Variants in ANKRD27 observed in about 807,000 individuals in gnomAD.
ANKRD27 encodes the protein ankyrin repeat domain 27, also known as ankyrin repeat domain-containing protein 27.
ANKRD27 carries 112 observed loss-of-function variants against 129.7 expected under a neutral mutation model. The ratio of observed to expected loss-of-function variants is 0.86; its 90% CI spans 0.74 to 1.01. The LOEUF is 1.01. Ranked by LOEUF, ANKRD27 falls within the 50% of genes least tolerant of loss-of-function variation. The pLI, the probability that ANKRD27 is intolerant of heterozygous loss-of-function variation, is 0.00. For missense variants in ANKRD27, 1,258 were observed against 1,300.5 expected (o/e 0.97, Z 0.50); for synonymous variants, 516 against 511.2 (o/e 1.01, Z -0.13).
At chr19:32,659,385 A>G (rs1316610142) in intron 1 of ANKRD27, among the ~76,000 whole-genome samples, 1 of 152,134 alleles carries the variant, frequency 6.6e-6, no homozygotes, top group Non-Finnish European at 1.5e-5. Context: ...CCCGACCTGC[A>G]TCTGGCAATT....
intron 17 of ANKRD27, 104 bp from the exon 18 acceptor site, chr19:32,622,723 A>C (rs1323617549): frequency 1.0e-6 from 1 of 1,002,850 alleles, no homozygotes; most frequent in Non-Finnish European, 1.6e-6. Flanking sequence ...AGTAACAGAC[A>C]GAACTCAGAA....
chr19:32,664,276 C>T (rs1037507208), intron 1 of ANKRD27, among the ~76,000 whole-genome samples: 6 of 151,890 alleles, frequency 4.0e-5, no homozygotes, highest in Non-Finnish European at 8.8e-5. Flanking sequence ...ATTTCAGCCT[C>T]CCAAGTAGCT....
chr19:32,653,736 G>A (rs1365591555), intron 2 of ANKRD27, among the ~76,000 whole-genome samples: 1 of 151,218 alleles, frequency 6.6e-6, no homozygotes, highest in East Asian at 2.0e-4. Context: ...GCGTGGCGGG[G>A]GCGGGGACGG....
intron 2 of ANKRD27, among the ~76,000 whole-genome samples, chr19:32,650,105 C>A (rs747634886): frequency 6.6e-6 from 1 of 152,022 alleles, no homozygotes; most frequent in African/African-American, 2.4e-5. Context: ...ATCGCTGGGT[C>A]CCCCCCAGGC....
chr19:32,664,775 C>A (rs532910710), intron 1 of ANKRD27, among the ~76,000 whole-genome samples: 54 of 150,724 alleles, frequency 3.6e-4, no homozygotes, highest in African/African-American at 1.3e-3. Context: ...CCTGGGCAAC[C>A]CCATCTTTAC....
intron 13 of ANKRD27, among the ~76,000 whole-genome samples, chr19:32,629,844 C>CTTTTTTTTTT (rs548494616): frequency 4.7e-5 from 5 of 105,612 alleles, no homozygotes; most frequent in African/African-American, 1.0e-4. Flanking sequence ...CTCTTGTGTT[C>CTTTTTTTTTT]TTTTTTTTTT....
chr19:32,605,818 C>T lies in ANKRD27; in HGVS notation c.2493+17G>A. The T allele has an allele frequency of 6.2e-6, 10 of 1,611,398 alleles. No individual in the cohort carries two copies. Among genetic ancestry groups the T allele is most frequent in the Non-Finnish European group, 8.5e-6 (10 of 1,178,866 alleles). On this transcript the variant is annotated intron_variant, in intron 24 of 28. Transcript: ENST00000306065. ...CTGGCGCAGGTGTGTAGAATGAGGA[C>T]AGGAAGGGGCCCTCACCTGTAGCAG...
At chr19:32,641,448 T>G (rs2145299298) in intron 10 of ANKRD27, among the ~76,000 whole-genome samples, 1 of 152,296 alleles carries the variant, frequency 6.6e-6, no homozygotes, top group African/African-American at 2.4e-5. Context: ...TTTTGAAATT[T>G]TAAGTAATTC....
intron 17 of ANKRD27, among the ~76,000 whole-genome samples, 164 bp from the exon 18 acceptor site, chr19:32,622,783 CTTTTTCTTTTTT>C (rs574471904): frequency 1.2e-3 from 179 of 149,398 alleles, no homozygotes; most frequent in African/African-American, 4.3e-3. Flanking sequence ...TTTTTTTTTT[CTTTTTCTTTTTT>C]GAGACAGGAT....
intron 2 of ANKRD27, among the ~76,000 whole-genome samples, chr19:32,656,092 A>AAAGG (rs1967521466): frequency 2.5e-5 from 3 of 118,346 alleles, no homozygotes; most frequent in African/African-American, 4.4e-5. Context: ...AGAAAGAAAG[A>AAAGG]AAGAAAGAAA....
chr19:32,628,959 C>T (rs1177793400), intron 13 of ANKRD27, 110 bp from the exon 14 acceptor site: 36 of 1,276,648 alleles, frequency 2.8e-5, no homozygotes, highest in Non-Finnish European at 3.8e-5. Flanking sequence ...CTCGTCCTGT[C>T]GCCCAGGCTG....
chr19:32,647,590 G>A lies in ANKRD27; in HGVS notation c.214-975C>T, dbSNP rs182864996. ...AGATGCGGCAGCTGAGGTTTGTGGC[G>A]CTGTGACAGGGAGAGGAAGCACGGG... On this transcript the variant is annotated intron_variant, in intron 3 of 28. Transcript: ENST00000306065. 3.5e-3 allele frequency among the ~76,000 whole-genome samples: 537 copies of A among 152,326 alleles called. 1 individual carries two copies. Among genetic ancestry groups the A allele is most frequent in the African/African-American group, 0.013 (524 of 41,580 alleles).
rs1310677629 is a variant in ANKRD27, at chr19:32,597,079, T to C, written c.*1066A>G. The stretch of plus-strand genomic sequence containing the variant: ...CCAAGGCACATTAGAAAATTAGAAA[T>C]CATAAATTACTTTGTAGAAAAATAA... On this transcript the variant is annotated 3_prime_UTR_variant, in exon 29 of 29. Coordinates refer to ENST00000306065, the MANE Select transcript of ANKRD27 (RefSeq NM_032139.3). 2 of 152,508 alleles carry C rather than the reference T, an allele frequency of 1.3e-5. No homozygotes were observed. Among genetic ancestry groups the C allele is most frequent in the African/African-American group, 4.8e-5 (2 of 41,428 alleles). 9.4% of individuals were successfully genotyped at this position (152,508 alleles called of 1,614,324 possible). A position where few individuals can be genotyped will look rare whatever the true frequency, so the allele number is the denominator to read the frequency against.
At chr19:32,631,335 A>C in intron 13 of ANKRD27, 67 bp downstream of exon 13, 1 of 1,440,782 alleles carries the variant, frequency 6.9e-7, no homozygotes, top group Non-Finnish European at 9.7e-7. Context: ...GATGGATTTT[A>C]TAGAGGCACC....
At position 32,607,652 on chromosome 19, in the gene ANKRD27, G is replaced by A. The variant is rs1284399455; in HGVS notation, c.2356C>T (p.Gln786Ter). ...DQAVPLHLAC[Q>*]QGHFQVVKCL... ...GCCCGAACCTGAAAGTGGCCCTGCT[G>A]GCAGGCCAGGTGGAGCGGGACGGCT... The change falls in exon 23 of 29, where the codon CAG (glutamine) becomes TAG (stop). Residue 786 changes from glutamine to a stop codon, truncating the protein, a stop_gained. Coordinates refer to ENST00000306065, the MANE Select transcript of ANKRD27 (RefSeq NM_032139.3). LOFTEE classifies it high-confidence loss of function. 1.2e-6 allele frequency: 2 copies of A among 1,611,340 alleles called. No individual in the cohort carries two copies. Among genetic ancestry groups the A allele is most frequent in the Admixed American group, 1.7e-5 (1 of 59,858 alleles).
In ANKRD27 at chr19:32,669,000, T is replaced by C. The variant is rs117177115; in HGVS notation, c.-31+6071A>G. On this transcript the variant is annotated intron_variant, in intron 1 of 28. Coordinates refer to ENST00000306065, the MANE Select transcript of ANKRD27 (RefSeq NM_032139.3). ...CATTCATTCATTCATTTAGTAGAGA[T>C]GGTGTCTCGCTATGTGGCCCAGGCT... 7.2e-5 allele frequency among the ~76,000 whole-genome samples: 11 copies of C among 151,734 alleles called. No homozygotes were observed. In the East Asian group the frequency reaches 1.4e-3, roughly 19 times the overall value.
intron 22 of ANKRD27, 76 bp from the exon 23 acceptor site, chr19:32,607,908 GC>G (rs1971772067): frequency 1.4e-6 from 2 of 1,399,688 alleles, no homozygotes; most frequent in Non-Finnish European, 9.8e-7. Flanking sequence ...GGCACCATGT[GC>G]CCCCCACAGC....
At position 32,646,482 on chromosome 19, in the gene ANKRD27, G is replaced by C; in HGVS notation, c.347C>G (p.Pro116Arg). The part of the protein sequence containing the change: ...ESFSILCIAH[P>R]LEKRESSEEP... Reference sequence around the variant, plus strand: ...ACCTGAACTCTCTCTCTTTTCCAAAGGATGGGCTATACACAGGATGCTGAA... The same window carrying C: ...ACCTGAACTCTCTCTCTTTTCCAAACGATGGGCTATACACAGGATGCTGAA... Residue 116 changes from proline (P) to arginine (R), a missense_variant, in exon 4 of 29, where the codon CCT (proline) becomes CGT (arginine). Physicochemically the swap from Pro to Arg is moderately radical, Grantham distance 103. Transcript: ENST00000306065. 1 of 1,612,418 alleles carries C rather than the reference G, an allele frequency of 6.2e-7. No individual in the cohort carries two copies. The highest frequency in any genetic ancestry group is 1.7e-4 in the Middle Eastern group (1 of 6,054).
At chr19:32,630,773 G>A (rs1439439507) in intron 13 of ANKRD27, among the ~76,000 whole-genome samples, 2 of 152,156 alleles carry the variant, frequency 1.3e-5, no homozygotes, top group Admixed American at 1.3e-4. Flanking sequence ...TAGGACTACA[G>A]GTGCCCGCCA....
Sources: allele counts gnomAD v4.1 joint callset (sites outside exome capture counted in the v4.1 genomes callset), GRCh38; gene constraint gnomAD v4.1.1; transcripts MANE v1.5; gene names NCBI Gene and HGNC (gene_info 2026-07-23, HGNC 2026-07-21).